Variants in RSRC1 observed in about 807,000 individuals in gnomAD.
The protein encoded by RSRC1 is serine/Arginine-related protein 53.
Under a neutral mutation model 49.1 loss-of-function variants are expected in RSRC1, and 39 were observed. That is an observed-to-expected ratio of 0.79 (90% CI 0.61 to 1.04). RSRC1 has a LOEUF of 1.04. RSRC1 is among the 50% of genes least tolerant of loss of function. RSRC1 has a pLI of 0.00. For synonymous variants in RSRC1, 143 were observed against 130.8 expected, an observed-to-expected ratio of 1.09 and a Z score of -0.63; for missense variants, 388 against 402.4, an observed-to-expected ratio of 0.96 and a Z score of 0.31.
At chr3:158,530,360 T>C (rs1209371910) in intron 7 of RSRC1, among the ~76,000 whole-genome samples, 1 of 151,854 alleles carries the variant, frequency 6.6e-6, no homozygotes, top group Non-Finnish European at 1.5e-5. Flanking sequence ...ATTTTTGCCT[T>C]CTGAAATACC....
intron 6 of RSRC1, among the ~76,000 whole-genome samples, chr3:158,419,669 C>A (rs1365921494): frequency 2.0e-5 from 3 of 151,848 alleles, no homozygotes; most frequent in Non-Finnish European, 4.4e-5. Flanking sequence ...ATAGGTAGAA[C>A]AGGTAATTAT....
chr3:158,144,436 C>T (rs1394639683), intron 3 of RSRC1, among the ~76,000 whole-genome samples: 3 of 152,166 alleles, frequency 2.0e-5, no homozygotes, highest in African/African-American at 7.2e-5. Context: ...TTTCCAGCTT[C>T]ATCCATGTCC....
intron 1 of RSRC1, among the ~76,000 whole-genome samples, chr3:158,112,141 C>A (rs1374888711): frequency 1.3e-5 from 2 of 152,170 alleles, no homozygotes; most frequent in Non-Finnish European, 2.9e-5. Context: ...GTCTCTTTCA[C>A]CTACAGATAG....
chr3:158,352,939 A>G (rs1160781171), intron 5 of RSRC1, among the ~76,000 whole-genome samples: 1 of 152,198 alleles, frequency 6.6e-6, no homozygotes, highest in Non-Finnish European at 1.5e-5. Flanking sequence ...TAGATATCAC[A>G]GTTTTCTATT....
chr3:158,319,534 T>TA (rs768703177), intron 5 of RSRC1, among the ~76,000 whole-genome samples: 2 of 152,214 alleles, frequency 1.3e-5, no homozygotes, highest in Non-Finnish European at 2.9e-5. Flanking sequence ...TATGTGAATC[T>TA]AACACAATTT....
intron 6 of RSRC1, among the ~76,000 whole-genome samples, chr3:158,369,168 T>G (rs1026677975): frequency 6.6e-6 from 1 of 152,124 alleles, no homozygotes; most frequent in Non-Finnish European, 1.5e-5. Flanking sequence ...TTTAAATAAT[T>G]GATCCATGTT....
chr3:158,168,322 A>G (rs1283671594), intron 3 of RSRC1, among the ~76,000 whole-genome samples: 1 of 152,206 alleles, frequency 6.6e-6, no homozygotes, highest in Non-Finnish European at 1.5e-5. Context: ...ATACCCACTG[A>G]GCCTGGATGA....
chr3:158,218,683 T>C (rs1722079131), intron 4 of RSRC1, among the ~76,000 whole-genome samples: 2 of 151,642 alleles, frequency 1.3e-5, no homozygotes, highest in Non-Finnish European at 3.0e-5. Flanking sequence ...TATTCTTAAC[T>C]CTTTAGGTAT....
rs1314260582 is a variant in RSRC1, at chr3:158,544,837, C to G, written c.*562C>G. The G allele has an allele frequency of 6.6e-6, 1 of 152,268 alleles. No individual in the cohort carries two copies. The highest frequency in any genetic ancestry group is 1.5e-5 in the Non-Finnish European group (1 of 68,096). 9.4% of individuals were successfully genotyped at this position (152,268 alleles called of 1,614,324 possible). On this transcript the variant is annotated 3_prime_UTR_variant, in exon 10 of 10. Transcript: ENST00000611884. ...ATTGGTGATTTTGCTTAGAGATCAG[C>G]TTCTACTAGATGCTCCTTTACAACA...
intron 7 of RSRC1, among the ~76,000 whole-genome samples, chr3:158,528,575 G>T (rs1421482080): frequency 6.6e-6 from 1 of 151,858 alleles, no homozygotes; most frequent in Non-Finnish European, 1.5e-5. Context: ...GAGATGGCTG[G>T]CAGACAGCAT....
rs569436973 is a variant in RSRC1 at position 158,301,439 on chromosome 3, T to G, written c.531+3364T>G. On this transcript the variant is annotated intron_variant, in intron 5 of 9. Transcript: ENST00000611884. ...GGAGTAAGGACTCATGATTTTAATTTTATTAAATAGGTTATTGTTAGTTAC... is the reference window on the plus strand; with the variant it reads ...GGAGTAAGGACTCATGATTTTAATTGTATTAAATAGGTTATTGTTAGTTAC... Among the ~76,000 whole-genome samples, 8 of 152,260 alleles carry G rather than the reference T, an allele frequency of 5.3e-5. No individual in the cohort carries two copies. The South Asian group carries it at 1.7e-3, about 32-fold the overall frequency.
intron 3 of RSRC1, among the ~76,000 whole-genome samples, chr3:158,138,531 T>C (rs1328457343): frequency 6.6e-6 from 1 of 152,254 alleles, no homozygotes; most frequent in African/African-American, 2.4e-5. Context: ...ACATAAGCAC[T>C]ACTATTAGAT....
intron 1 of RSRC1, among the ~76,000 whole-genome samples, chr3:158,119,867 G>T (rs1397573694): frequency 2.5e-5 from 3 of 121,516 alleles, no homozygotes; most frequent in Admixed American, 1.0e-4. Context: ...GTCTCGCTCT[G>T]TCACCCAGGC....
chr3:158,487,029 T>C lies in RSRC1; in HGVS notation c.652+26026T>C, dbSNP rs1319190499. Among the ~76,000 whole-genome samples, 5 of 152,242 alleles carry C rather than the reference T, an allele frequency of 3.3e-5. No homozygotes were observed. In the East Asian group the frequency reaches 9.7e-4, roughly 29 times the overall value. ...TCACTTGAGAGTTGTTTTTAAAATATCTCGATTGCAAACACCTTATATTTT... is the reference window on the plus strand; with the variant it reads ...TCACTTGAGAGTTGTTTTTAAAATACCTCGATTGCAAACACCTTATATTTT... On this transcript the variant is annotated intron_variant, in intron 7 of 9. Coordinates refer to ENST00000611884, the MANE Select transcript of RSRC1 (RefSeq NM_001271838.2).
intron 6 of RSRC1, among the ~76,000 whole-genome samples, chr3:158,380,754 G>A (rs945668194): frequency 1.3e-5 from 2 of 152,082 alleles, no homozygotes; most frequent in South Asian, 2.1e-4. Context: ...GGAATATTTA[G>A]TGCTTATATT....
At chr3:158,342,978 C>T (rs571296217) in intron 5 of RSRC1, among the ~76,000 whole-genome samples, 1 of 152,278 alleles carries the variant, frequency 6.6e-6, no homozygotes, top group South Asian at 2.1e-4. Flanking sequence ...GCTGTGAGAC[C>T]AGGAAGGCCA....
chr3:158,434,036 A>C (rs972538876), intron 6 of RSRC1, among the ~76,000 whole-genome samples: 1 of 151,958 alleles, frequency 6.6e-6, no homozygotes, highest in Admixed American at 6.6e-5. Flanking sequence ...AAACTAATCA[A>C]ATCCAGCTCT....
chr3:158,394,958 T>TG (rs1287882398), intron 6 of RSRC1, among the ~76,000 whole-genome samples: 1 of 152,010 alleles, frequency 6.6e-6, no homozygotes. Context: ...GCACAGTAAC[T>TG]GAAACAGTGT....
At chr3:158,458,656 A>T (rs565651838) in intron 6 of RSRC1, among the ~76,000 whole-genome samples, 1 of 152,262 alleles carries the variant, frequency 6.6e-6, no homozygotes, top group South Asian at 2.1e-4. Flanking sequence ...TTGGTAAATG[A>T]AGTGCTTAAT....
Sources: allele counts gnomAD v4.1 joint callset (sites outside exome capture counted in the v4.1 genomes callset), GRCh38; gene constraint gnomAD v4.1.1; transcripts MANE v1.5; gene names NCBI Gene and HGNC (gene_info 2026-07-23, HGNC 2026-07-21).